The following MASP2 variants were observed in gnomAD, a reference collection of about 807,000 sequenced individuals.
MASP2 encodes the protein mannan-binding lectin serine protease 2.
In MASP2, 49 loss-of-function variants were observed where a neutral mutation model predicts 57.1. That is an observed-to-expected ratio of 0.86 (90% CI 0.68 to 1.09). The LOEUF is 1.09. Ranked by LOEUF, MASP2 falls within the 50% of genes least tolerant of loss-of-function variation. MASP2 has a pLI of 0.00. For synonymous variants in MASP2, 379 were observed against 340.8 expected (o/e 1.11, Z -1.24); for missense variants, 900 against 874.8 (o/e 1.03, Z -0.36).
intron 6 of MASP2, among the ~76,000 whole-genome samples, chr1:11,041,167 G>A (rs1239672315): frequency 1.4e-5 from 2 of 145,618 alleles, no homozygotes; most frequent in African/African-American, 2.6e-5. Context: ...GGGTAGATGG[G>A]TAGATGAATT....
Position 11,027,317 on chromosome 1 carries a change from T to A in MASP2, c.1629A>T (p.Val543=), listed in dbSNP as rs946376123. The A allele has an allele frequency of 1.2e-6, 2 of 1,614,074 alleles. No individual in the cohort carries two copies. The highest frequency in any genetic ancestry group is 1.7e-6 in the Non-Finnish European group (2 of 1,179,934). Residue 543 remains valine, a synonymous_variant, in exon 11 of 11, where the codon GTA becomes GTT. Transcript: ENST00000400897. ...AAATAGGCGTGATGTTGCTATTGAT[T>A]ACAACTTTGTTATTCAATTTAATCA... is the stretch of plus-strand genomic sequence containing the variant. ...IALIKLNNKV[V]INSNITPICL... is the part of the protein sequence containing the mutation.
chr1:11,028,355 A>G lies in MASP2; in HGVS notation c.1298-707T>C, dbSNP rs536656315. 6.6e-5 allele frequency among the ~76,000 whole-genome samples: 10 copies of G among 152,310 alleles called. No individual in the cohort carries two copies. The South Asian group carries it at 2.1e-3, about 32-fold the overall frequency. ...TTTCCTACTTGTAAAATGGGTATTT[A>G]TGTAATCCTAGGAAAGCAGGAACTA... On this transcript the variant is annotated intron_variant, in intron 10 of 10. Transcript: ENST00000400897.
chr1:11,044,810 A>T (rs1638576609), intron 4 of MASP2: 2 of 1,358,490 alleles, frequency 1.5e-6, no homozygotes, highest in African/African-American at 3.0e-5. Context: ...GGGTGGGGCC[A>T]GGTTTATTAT....
chr1:11,026,677 G>A lies in MASP2; in HGVS notation c.*208C>T, dbSNP rs1643737838. On this transcript the variant is annotated 3_prime_UTR_variant, in exon 11 of 11. Coordinates refer to ENST00000400897, the MANE Select transcript of MASP2 (RefSeq NM_006610.4). ...GGGCAAAGATGACTGTCACTCTCGTGGTTTATGTCCCCTTGAGTCAATGGG... is the reference window on the plus strand; with the variant it reads ...GGGCAAAGATGACTGTCACTCTCGTAGTTTATGTCCCCTTGAGTCAATGGG... 1 of 394,534 alleles carries A rather than the reference G, an allele frequency of 2.5e-6. No homozygotes were observed. 24.4% of individuals were successfully genotyped at this position (394,534 alleles called of 1,614,324 possible). A position where few individuals can be genotyped will look rare whatever the true frequency, so the allele number is the denominator to read the frequency against.
chr1:11,031,129 G>T (rs1643836955), intron 8 of MASP2, among the ~76,000 whole-genome samples: 1 of 152,092 alleles, frequency 6.6e-6, no homozygotes, highest in Admixed American at 6.6e-5. Context: ...TGGCTGAACT[G>T]AGGGGGAGTC....
At chr1:11,044,620 C>T (rs1638566400) in intron 4 of MASP2, among the ~76,000 whole-genome samples, 2 of 152,178 alleles carry the variant, frequency 1.3e-5, no homozygotes, top group South Asian at 4.1e-4. Flanking sequence ...CGAGGCCTTG[C>T]CCCTCTCCGG....
chr1:11,030,695 G>A lies in MASP2; in HGVS notation c.1222+53C>T, dbSNP rs958819707. 12 of 1,533,234 alleles carry A rather than the reference G, an allele frequency of 7.8e-6. No homozygotes were observed. In the East Asian group the frequency reaches 1.6e-4, roughly 21 times the overall value. The allele number at this position is 1,533,234 out of a possible 1,614,324, so 95.0% of individuals were successfully genotyped here. On this transcript the variant is annotated intron_variant, in intron 9 of 10. Transcript: ENST00000400897. ...TGGTTAAAGTTTATTTTCAGACCATGGGGGCTCAAGTTCCAAGTATTGCCC... is the reference window on the plus strand; with the variant it reads ...TGGTTAAAGTTTATTTTCAGACCATAGGGGCTCAAGTTCCAAGTATTGCCC...
At chr1:11,039,582 G>A (rs1010267415) in intron 6 of MASP2, among the ~76,000 whole-genome samples, 1 of 152,114 alleles carries the variant, frequency 6.6e-6, no homozygotes, top group Non-Finnish European at 1.5e-5. Flanking sequence ...ATGGATGGCT[G>A]GAAGGATGGA....
intron 4 of MASP2, among the ~76,000 whole-genome samples, chr1:11,044,433 G>A (rs1469356031): frequency 1.3e-5 from 2 of 152,180 alleles, no homozygotes; most frequent in Admixed American, 6.5e-5. Context: ...CTTCTTCCAC[G>A]TGGCTGTGCC....
In MASP2 at chr1:11,045,412, G is replaced by A. The variant is rs1638602247; in HGVS notation, c.540C>T (p.Cys180=). Residue 180 remains cysteine, a synonymous_variant, in exon 4 of 11, where the codon TGC becomes TGT. Coordinates refer to ENST00000400897, the MANE Select transcript of MASP2 (RefSeq NM_006610.4). ...GGCCCAGGCAGCCTCCCTCACCTGA[G>A]CAGGTGCGCTTGTTACGGTGCAGGA... ...GYVLHRNKRT[C]SALCSGQVFT... The A allele has an allele frequency of 1.2e-6, 2 of 1,613,024 alleles. No individual in the cohort carries two copies.
chr1:11,046,748 G>A lies in MASP2; in HGVS notation c.235-15C>T, dbSNP rs1369231387. On this transcript the variant is annotated splice_polypyrimidine_tract_variant and intron_variant, in intron 2 of 10. Coordinates refer to ENST00000400897, the MANE Select transcript of MASP2 (RefSeq NM_006610.4). ...CCCGAGCTCAGCTGTGGGGTCAGGT[G>A]TCACAGGGAGTGAAGGCAAGACCCA... is the stretch of plus-strand genomic sequence containing the variant. 1.2e-6 allele frequency: 2 copies of A among 1,608,044 alleles called. No individual in the cohort carries two copies. Among genetic ancestry groups the A allele is most frequent in the African/African-American group, 1.3e-5 (1 of 75,008 alleles).
rs773066097 is a variant in MASP2, at chr1:11,042,893, T to A, written c.871A>T (p.Ile291Phe). Residue 291 changes from isoleucine to phenylalanine, a missense_variant, in exon 6 of 11, where the codon ATC becomes TTC. Coordinates refer to ENST00000400897, the MANE Select transcript of MASP2 (RefSeq NM_006610.4). ...TGCTCACCTGTGCTCGTGTAGTGGA[T>A]CTTCCAGCCTGTGTGGTCTCCTGAT... is the stretch of plus-strand genomic sequence containing the variant. ...DESGDHTGWK[I>F]HYTSTAQPCP... The A allele has an allele frequency of 6.2e-7, 1 of 1,613,848 alleles. No homozygotes were observed. The highest frequency in any genetic ancestry group is 8.5e-7 in the Non-Finnish European group (1 of 1,179,916).
Position 11,037,774 on chromosome 1 carries a change from G to A in MASP2, c.927C>T (p.Gly309=), listed in dbSNP as rs1638296450. ...ATTTGGCTTGCACAGGTGAAACGTG[G>A]CCATTAGGTGGCGCCATCGGATAAG... The part of the protein sequence containing the change: ...PCPYPMAPPN[G]HVSPVQAKYI... The change falls in exon 7 of 11, where the codon GGC becomes GGT. Residue 309 remains glycine, a synonymous_variant. Transcript: ENST00000400897. The A allele has an allele frequency of 2.5e-6, 4 of 1,612,950 alleles. No individual in the cohort carries two copies. In the East Asian group the frequency reaches 6.7e-5, roughly 27 times the overall value.
intron 6 of MASP2, 126 bp from the exon 7 acceptor site, chr1:11,037,937 G>C: frequency 1.9e-6 from 1 of 515,678 alleles, no homozygotes; most frequent in Non-Finnish European, 3.4e-6. Flanking sequence ...ACCATACGTG[G>C]GGTAGGGTTC....
intron 1 of MASP2, 22 bp downstream of exon 1, chr1:11,047,181 G>T: frequency 6.4e-7 from 1 of 1,559,966 alleles, no homozygotes; most frequent in African/African-American, 1.4e-5. Flanking sequence ...ACCCTGCAGG[G>T]AGGCTGTGGG....
At position 11,026,677 on chromosome 1, in the gene MASP2, GGTTTAT is replaced by G; in HGVS notation, c.*202_*207del. On this transcript the variant is annotated 3_prime_UTR_variant, in exon 11 of 11. Transcript: ENST00000400897. ...GGGCAAAGATGACTGTCACTCTCGT[GGTTTAT>G]GTCCCCTTGAGTCAATGGGTAAGGC... 1 of 394,534 alleles carries G rather than the reference GGTTTAT, an allele frequency of 2.5e-6. No individual in the cohort carries two copies. Among genetic ancestry groups the G allele is most frequent in the Non-Finnish European group, 4.5e-6 (1 of 224,134 alleles). The allele number at this position is 394,534 out of a possible 1,614,324, so 24.4% of individuals were successfully genotyped here.
Position 11,027,036 on chromosome 1 carries a change from A to C in MASP2, c.1910T>G (p.Leu637Arg). Residue 637 changes from leucine to arginine, a missense_variant, in exon 11 of 11, where the codon CTG (leucine) becomes CGG (arginine). Physicochemically the swap from Leu to Arg is moderately radical, Grantham distance 102. Transcript: ENST00000400897. The stretch of plus-strand genomic sequence containing the variant: ...CTCTGTTTCACTATCTAGAAACACC[A>C]GTGCCCCTCCGCTGTCACCTCTGCA... ...DSCRGDSGGALVFLDSETERW... is the reference protein window; with the variant it reads ...DSCRGDSGGARVFLDSETERW... 6.3e-7 allele frequency: 1 copy of C among 1,596,694 alleles called. No homozygotes were observed. The highest frequency in any genetic ancestry group is 8.5e-7 in the Non-Finnish European group (1 of 1,171,702).
At chr1:11,036,206 T>G (rs1643884673) in intron 7 of MASP2, among the ~76,000 whole-genome samples, 1 of 152,012 alleles carries the variant, frequency 6.6e-6, no homozygotes, top group African/African-American at 2.4e-5. Context: ...TTGTGTTAAG[T>G]CAGAAACTAA....
rs867839180 is a variant in MASP2 at position 11,027,444 on chromosome 1, G to A, written c.1502C>T (p.Thr501Ile). 7.4e-6 allele frequency: 12 copies of A among 1,614,044 alleles called. No individual in the cohort carries two copies. The highest frequency in any genetic ancestry group is 7.6e-6 in the Non-Finnish European group (9 of 1,179,924). Residue 501 changes from threonine (T) to isoleucine (I), a missense_variant, in exon 11 of 11, where the codon ACC (threonine) becomes ATC (isoleucine). Coordinates refer to ENST00000400897, the MANE Select transcript of MASP2 (RefSeq NM_006610.4). ...ATAATGAGGTGATAGTCTTTTCAGG[G>A]TGCCCATTCGAATGTCCAGGGCGGA... ...DASALDIRMGTLKRLSPHYTQ... is the reference protein window; with the variant it reads ...DASALDIRMGILKRLSPHYTQ...
Sources: allele counts gnomAD v4.1 joint callset (sites outside exome capture counted in the v4.1 genomes callset), GRCh38; gene constraint gnomAD v4.1.1; transcripts MANE v1.5; gene names NCBI Gene and HGNC (gene_info 2026-07-23, HGNC 2026-07-21).